The following KCNJ4 variants were observed in gnomAD, a reference collection of about 807,000 sequenced individuals.
The protein encoded by KCNJ4 is inward rectifier potassium channel 4.
In KCNJ4, 3 loss-of-function variants were observed where a neutral mutation model predicts 25.6. That is an observed-to-expected ratio of 0.12 (90% CI 0.05 to 0.30). The LOEUF (loss-of-function observed/expected upper bound fraction) is 0.30, where lower values mean the gene tolerates loss of function less well. Ranked by LOEUF, KCNJ4 falls within the 10% of genes least tolerant of loss-of-function variation. The probability of loss-of-function intolerance (pLI) is 1.00; values close to 1 mark genes in which losing one functional copy is unlikely to be tolerated. For missense variants in KCNJ4, 286 were observed against 666.8 expected, an observed-to-expected ratio of 0.43 and a Z score of 6.29; for synonymous variants, 257 against 283.9, an observed-to-expected ratio of 0.91 and a Z score of 0.95.
rs141425565 is a variant in KCNJ4 at position 38,454,464 on chromosome 22, G to T, written c.-40+516C>A. Among the ~76,000 whole-genome samples, 476 of 152,284 alleles carry T rather than the reference G, an allele frequency of 3.1e-3. 3 individuals are homozygous for T. The highest frequency in any genetic ancestry group is 0.011 in the African/African-American group (464 of 41,550). ...CCAGCCTGTGTCTATCACTGTGAAC[G>T]TGCAGTGCCTCCTCTACCAATCCCT... is the stretch of plus-strand genomic sequence containing the variant. On this transcript the variant is annotated intron_variant, in intron 1 of 1. Coordinates refer to ENST00000303592, the MANE Select transcript of KCNJ4 (RefSeq NM_152868.3).
chr22:38,432,120 G>C (rs752845580), intron 1 of KCNJ4, among the ~76,000 whole-genome samples: 10 of 151,864 alleles, frequency 6.6e-5, no homozygotes, highest in Non-Finnish European at 1.2e-4. Context: ...GCTGGGCATG[G>C]TGGCGGGCGC....
chr22:38,440,343 AC>A (rs2089324069), intron 1 of KCNJ4, among the ~76,000 whole-genome samples: 1 of 152,098 alleles, frequency 6.6e-6, no homozygotes, highest in Non-Finnish European at 1.5e-5. Context: ...GGAGTTTGAG[AC>A]TAGCCTGGTC....
At chr22:38,433,686 C>A (rs892981208) in intron 1 of KCNJ4, among the ~76,000 whole-genome samples, 1 of 152,154 alleles carries the variant, frequency 6.6e-6, no homozygotes, top group African/African-American at 2.4e-5. Context: ...CATTAGCCAG[C>A]TGGGGAAACC....
chr22:38,433,668 C>T (rs1283533741), intron 1 of KCNJ4, among the ~76,000 whole-genome samples: 1 of 152,082 alleles, frequency 6.6e-6, no homozygotes, highest in African/African-American at 2.4e-5. Flanking sequence ...AGTCTTTAGT[C>T]CAGACTTCAT....
rs1240752340 is a variant in KCNJ4, at chr22:38,443,359, C to T, written c.-40+11621G>A. 6.6e-6 allele frequency among the ~76,000 whole-genome samples: 1 copy of T among 152,132 alleles called. No homozygotes were observed. The highest frequency in any genetic ancestry group is 1.5e-5 in the Non-Finnish European group (1 of 68,028). On this transcript the variant is annotated intron_variant, in intron 1 of 1. Transcript: ENST00000303592. The surrounding 1 kb of genome is among the most constrained non-coding windows in gnomAD (Gnocchi z 4.1). Reference sequence around the variant, plus strand: ...ATACCACCTAGCCTGCGCCTCCCTCCCAGGCAGCTACAAGCCCACTTGGCT... The same window carrying T: ...ATACCACCTAGCCTGCGCCTCCCTCTCAGGCAGCTACAAGCCCACTTGGCT...
In KCNJ4 at chr22:38,426,901, G is replaced by C. The variant is rs749215036; in HGVS notation, c.1232C>G (p.Ala411Gly). Residue 411 changes from alanine (A) to glycine (G), a missense_variant, in exon 2 of 2, where the codon GCG becomes GGG. Around this residue, in one of 11 missense-constraint regions of KCNJ4, gnomAD observed 77 missense variants for 97.6 expected, o/e 0.79. Coordinates refer to ENST00000303592, the MANE Select transcript of KCNJ4 (RefSeq NM_152868.3). ...GAACTCCAGCATCCGGATGATGCCC[G>C]CCTCCTCCTTGGAACCCGCCTCCAG... ...LGLEAGSKEE[A>G]GIIRMLEFGS... 6.2e-7 allele frequency: 1 copy of C among 1,613,012 alleles called. No homozygotes were observed. The highest frequency in any genetic ancestry group is 1.7e-5 in the Admixed American group (1 of 60,016).
Position 38,426,975 on chromosome 22 carries a change from C to A in KCNJ4, c.1158G>T (p.Glu386Asp), listed in dbSNP as rs745885312. 6 of 1,612,684 alleles carry A rather than the reference C, an allele frequency of 3.7e-6. No individual in the cohort carries two copies. Among genetic ancestry groups the A allele is most frequent in the Non-Finnish European group, 5.1e-6 (6 of 1,179,864 alleles). ...ELALMSQEEE[E>D]MEEEAAAAAA... ...CCGCCGCAGCTGCCTCCTCCTCCATCTCCTCTTCCTCCTGGCTCATAAGGG... is the reference window on the plus strand; with the variant it reads ...CCGCCGCAGCTGCCTCCTCCTCCATATCCTCTTCCTCCTGGCTCATAAGGG... Residue 386 changes from glutamate (E) to aspartate (D), a missense_variant, in exon 2 of 2, where the codon GAG becomes GAT. By Grantham distance (45) the Glu-to-Asp change is conservative. Around this residue, in one of 11 missense-constraint regions of KCNJ4, gnomAD observed 77 missense variants for 97.6 expected, o/e 0.79. Transcript: ENST00000303592.
chr22:38,439,080 T>C (rs1177856308), intron 1 of KCNJ4, among the ~76,000 whole-genome samples: 1 of 152,134 alleles, frequency 6.6e-6, no homozygotes, highest in African/African-American at 2.4e-5. Context: ...ACCCCATCTC[T>C]ACAAAAAATT....
chr22:38,428,823 G>A (rs2093040695), intron 1 of KCNJ4, among the ~76,000 whole-genome samples: 1 of 152,102 alleles, frequency 6.6e-6, no homozygotes, highest in Admixed American at 6.6e-5. Flanking sequence ...AGGGGCTCAT[G>A]CCTGTGATCT....
intron 1 of KCNJ4, among the ~76,000 whole-genome samples, chr22:38,439,387 A>T (rs1026184981): frequency 2.6e-5 from 4 of 152,178 alleles, no homozygotes; most frequent in East Asian, 3.8e-4. Context: ...AGCCAAGGTC[A>T]CACCATTGCA....
intron 1 of KCNJ4, among the ~76,000 whole-genome samples, chr22:38,450,310 A>G (rs1239378017): frequency 6.6e-6 from 1 of 151,996 alleles, no homozygotes; most frequent in Non-Finnish European, 1.5e-5. Flanking sequence ...ACAGCAGCCC[A>G]ACCACAGCTA....
chr22:38,445,096 TAA>T (rs1160482250), intron 1 of KCNJ4, among the ~76,000 whole-genome samples: 1 of 151,784 alleles, frequency 6.6e-6, no homozygotes, highest in Non-Finnish European at 1.5e-5. Flanking sequence ...TGAAAGGGCA[TAA>T]AGAGAAGGTC....
chr22:38,454,524 G>T (rs2089427712), intron 1 of KCNJ4, among the ~76,000 whole-genome samples: 1 of 152,166 alleles, frequency 6.6e-6, no homozygotes, highest in Non-Finnish European at 1.5e-5. Context: ...GCGCCAAGTA[G>T]GTGCTCAAAA....
At chr22:38,437,737 C>CA (rs1451153083) in intron 1 of KCNJ4, among the ~76,000 whole-genome samples, 5 of 152,194 alleles carry the variant, frequency 3.3e-5, no homozygotes, top group African/African-American at 4.8e-5. Context: ...GAGAAAATGG[C>CA]AGAGCCAAGA....
At chr22:38,430,269 G>A (rs1348349591) in intron 1 of KCNJ4, among the ~76,000 whole-genome samples, 2 of 152,202 alleles carry the variant, frequency 1.3e-5, no homozygotes, top group Non-Finnish European at 2.9e-5. Context: ...TTGGGAGGCC[G>A]AGGCGGGTGG....
intron 1 of KCNJ4, among the ~76,000 whole-genome samples, chr22:38,435,308 A>G (rs1050958117): frequency 6.6e-6 from 1 of 152,224 alleles, no homozygotes; most frequent in African/African-American, 2.4e-5. Flanking sequence ...GGGAGCCAGC[A>G]CAGGGCAGTG....
chr22:38,439,345 T>C lies in KCNJ4; in HGVS notation c.-39-11174A>G, dbSNP rs149302788. On this transcript the variant is annotated intron_variant, in intron 1 of 1. Transcript: ENST00000303592. ...TCCTCAGGAGGCTGAGGCAAGAGAA[T>C]CACTTAAACCCGGGAGGCGGAGGGT... 7.3e-3 allele frequency among the ~76,000 whole-genome samples: 1,117 copies of C among 152,128 alleles called. 8 individuals carry two copies. Among genetic ancestry groups the C allele is most frequent in the Non-Finnish European group, 0.011 (758 of 67,992 alleles).
intron 1 of KCNJ4, among the ~76,000 whole-genome samples, chr22:38,435,813 G>A (rs1425370264): frequency 6.6e-6 from 1 of 152,128 alleles, no homozygotes; most frequent in African/African-American, 2.4e-5. Flanking sequence ...TTGATTGGAG[G>A]GGCTTTCCAC....
chr22:38,426,891 G>A lies in KCNJ4; in HGVS notation c.1242C>T (p.Ile414=). The change falls in exon 2 of 2, where the codon ATC becomes ATT. Residue 414 remains isoleucine, a synonymous_variant. Transcript: ENST00000303592. ...GGTGGCTGCCGAACTCCAGCATCCG[G>A]ATGATGCCCGCCTCCTCCTTGGAAC... The part of the protein sequence containing the change: ...EAGSKEEAGI[I]RMLEFGSHLD... 1.9e-6 allele frequency: 3 copies of A among 1,613,176 alleles called. No individual in the cohort carries two copies. The highest frequency in any genetic ancestry group is 2.5e-6 in the Non-Finnish European group (3 of 1,179,950).
Sources: allele counts gnomAD v4.1 joint callset (sites outside exome capture counted in the v4.1 genomes callset), GRCh38; gene constraint gnomAD v4.1.1; regional missense constraint gnomAD v4.1.1; non-coding constraint Gnocchi (gnomAD v3.1); transcripts MANE v1.5; gene names NCBI Gene and HGNC (gene_info 2026-07-23, HGNC 2026-07-21).